CCDC74A: variants seen among roughly 807,000 people sequenced by gnomAD.
The protein encoded by CCDC74A is coiled-coil domain containing 74A.
CCDC74A carries 38 observed loss-of-function variants against 37.6 expected under a neutral mutation model. That is an observed-to-expected ratio of 1.01 (90% confidence interval 0.78 to 1.33). The LOEUF is 1.33. Ranked by LOEUF, CCDC74A falls within the 40% of genes most tolerant of loss-of-function variation. The pLI, the probability that CCDC74A is intolerant of heterozygous loss-of-function variation, is 0.00. For synonymous variants in CCDC74A, 134 were observed against 165.2 expected, an observed-to-expected ratio of 0.81 and a Z score of 1.45; for missense variants, 340 against 403.4, an observed-to-expected ratio of 0.84 and a Z score of 1.35.
At chr2:131,529,461 G>A in intron 1 of CCDC74A, 186 bp from the exon 2 acceptor site, 1 of 782,724 alleles carries the variant, frequency 1.3e-6, no homozygotes, top group Non-Finnish European at 2.2e-6. Flanking sequence ...AACAGGCAGG[G>A]CCATTCCTGG....
chr2:131,528,864 G>C (rs111303177), intron 1 of CCDC74A, among the ~76,000 whole-genome samples: 1 of 152,258 alleles, frequency 6.6e-6, no homozygotes, highest in African/African-American at 2.4e-5. Flanking sequence ...GTGCGAGTGC[G>C]CAGCTCAATG....
chr2:131,529,250 C>A, intron 1 of CCDC74A: 1 of 362,054 alleles, frequency 2.8e-6, no homozygotes, highest in Non-Finnish European at 5.3e-6. Flanking sequence ...TCTTCTTGAG[C>A]CTCAGGACGC....
rs1174409137 is a variant in CCDC74A at position 131,529,771 on chromosome 2, G to A, written c.295+80G>A. 1.2e-5 allele frequency: 19 copies of A among 1,577,154 alleles called. No individual in the cohort carries two copies. The East Asian group carries it at 4.3e-4, about 35-fold the overall frequency. Reference sequence around the variant, plus strand: ...CCCTCCAGACTGTCCTTGCCCACCTGGCTGCACTGGCCCCTGTATGCCAAC... The same window carrying A: ...CCCTCCAGACTGTCCTTGCCCACCTAGCTGCACTGGCCCCTGTATGCCAAC... On this transcript the variant is annotated intron_variant, in intron 2 of 7. Coordinates refer to ENST00000409856, the MANE Select transcript of CCDC74A (RefSeq NM_001258306.3).
upstream of CCDC74A, among the ~76,000 whole-genome samples, chr2:131,524,552 T>C (rs1680227363): frequency 2.0e-5 from 3 of 152,074 alleles, no homozygotes; most frequent in African/African-American, 7.2e-5. Flanking sequence ...TGTGCTCTGA[T>C]TGATGATGGC....
In CCDC74A at chr2:131,528,166, G is replaced by T. The variant is rs1328164063; in HGVS notation, c.196G>T (p.Glu66Ter). ...GCAGTTCCTGCAGCAGCAGCACTCG[G>T]AGATGCTGGCCAAGCTCCATGAGGA... ...SLQFLQQQHSEMLAKLHEEIE... is the reference protein window; with the variant it reads ...SLQFLQQQHS The change falls in exon 1 of 8, where the codon GAG (glutamate) becomes TAG (stop). Residue 66 changes from glutamate to a stop codon, truncating the protein, a stop_gained. Coordinates refer to ENST00000409856, the MANE Select transcript of CCDC74A (RefSeq NM_001258306.3). LOFTEE classifies it high-confidence loss of function. The T allele has an allele frequency of 3.7e-6, 6 of 1,613,914 alleles. No homozygotes were observed. In the South Asian group the frequency reaches 6.6e-5, roughly 18 times the overall value.
At chr2:131,530,366 C>T in intron 2 of CCDC74A, 3 of 1,547,618 alleles carry the variant, frequency 1.9e-6, no homozygotes, top group Non-Finnish European at 2.6e-6. Flanking sequence ...GTGCCTAGGG[C>T]TCTCCCTTCC....
In CCDC74A at chr2:131,528,192, G is replaced by C. The variant is rs756639543; in HGVS notation, c.222G>C (p.Glu74Asp). 6.2e-6 allele frequency: 10 copies of C among 1,613,620 alleles called. No individual in the cohort carries two copies. The highest frequency in any genetic ancestry group is 7.6e-6 in the Non-Finnish European group (9 of 1,179,770). The change falls in exon 1 of 8, where the codon GAG becomes GAC. Residue 74 changes from glutamate to aspartate, a missense_variant. Transcript: ENST00000409856. ...HSEMLAKLHE[E>D]IEHLKRENKD... ...AGATGCTGGCCAAGCTCCATGAGGA[G>C]ATCGAGCATCTGAAGCGGGAAAACA... is the stretch of plus-strand genomic sequence containing the variant.
intron 2 of CCDC74A, chr2:131,529,953 C>T (rs1356845989): frequency 6.6e-7 from 1 of 1,506,436 alleles, no homozygotes; most frequent in South Asian, 1.3e-5. Flanking sequence ...GCTCCCCAGA[C>T]CTCCCTCCTC....
upstream of CCDC74A, among the ~76,000 whole-genome samples, chr2:131,524,765 C>G (rs1237394519): frequency 1.3e-5 from 2 of 150,916 alleles, no homozygotes; most frequent in African/African-American, 2.4e-5. Flanking sequence ...CTAGGACATT[C>G]AAAAGCAACC....
At chr2:131,523,032 G>A (rs1200244079), upstream of CCDC74A, among the ~76,000 whole-genome samples, 1 of 152,144 alleles carries the variant, frequency 6.6e-6, no homozygotes, top group Non-Finnish European at 1.5e-5. Context: ...AGCATCCCAA[G>A]TAGCCAGGAC....
At position 131,532,646 on chromosome 2, in the gene CCDC74A, C is replaced by A. The variant is rs750845123; in HGVS notation, c.543C>A (p.His181Gln). 1.2e-6 allele frequency: 2 copies of A among 1,611,662 alleles called. No individual in the cohort carries two copies. Among genetic ancestry groups the A allele is most frequent in the Admixed American group, 1.7e-5 (1 of 59,796 alleles). Residue 181 changes from histidine to glutamine, a missense_variant, in exon 5 of 8, where the codon CAC becomes CAA. Physicochemically the swap from His to Gln is conservative, Grantham distance 24. Transcript: ENST00000409856. The part of the protein sequence containing the change: ...AGAACMGNSQ[H>Q]QGRQMGAGAH... ...CTGCCTGTATGGGGAACAGCCAGCA[C>A]CAGGGCAGGCAGATGGGGGCGGGGG...
chr2:131,527,470 C>A (rs866500085), upstream of CCDC74A, among the ~76,000 whole-genome samples: 3 of 152,160 alleles, frequency 2.0e-5, no homozygotes, highest in Middle Eastern at 3.4e-3. Flanking sequence ...GTCTCACTTT[C>A]CATTCAGGCT....
upstream of CCDC74A, chr2:131,527,655 C>T (rs1253968079): frequency 1.1e-5 from 4 of 351,278 alleles, no homozygotes; most frequent in Admixed American, 1.4e-4. Context: ...CCACTACACC[C>T]GGCTACATTT....
At position 131,533,466 on chromosome 2, in the gene CCDC74A, C is replaced by T. The variant is rs1300346156; in HGVS notation, c.*68C>T. The T allele has an allele frequency of 1.3e-6, 2 of 1,585,354 alleles. No homozygotes were observed. Among genetic ancestry groups the T allele is most frequent in the Non-Finnish European group, 1.7e-6 (2 of 1,162,602 alleles). On this transcript the variant is annotated 3_prime_UTR_variant, in exon 8 of 8. Coordinates refer to ENST00000409856, the MANE Select transcript of CCDC74A (RefSeq NM_001258306.3). Reference sequence around the variant, plus strand: ...TGGAGACTGGCTCTCTATAGCATTTCCTGATACTTCCGCTACTTTTAGGCC... The same window carrying T: ...TGGAGACTGGCTCTCTATAGCATTTTCTGATACTTCCGCTACTTTTAGGCC...
At position 131,527,894 on chromosome 2, in the gene CCDC74A, A is replaced by T. The variant is rs1305373964; in HGVS notation, c.-77A>T. 3 of 1,404,282 alleles carry T rather than the reference A, an allele frequency of 2.1e-6. No individual in the cohort carries two copies. The highest frequency in any genetic ancestry group is 2.8e-6 in the Non-Finnish European group (3 of 1,080,708). 87.0% of individuals were successfully genotyped at this position (1,404,282 alleles called of 1,614,324 possible). A position where few individuals can be genotyped will look rare whatever the true frequency, so the allele number is the denominator to read the frequency against. On this transcript the variant is annotated 5_prime_UTR_variant, in exon 1 of 8. Transcript: ENST00000409856. ...CTTCCGTCGCCCGGTTTCCATGGTG[A>T]CGGGGCGCCAGGCTAGGGCGGCCTG...
Position 131,533,343 on chromosome 2 carries a change from G to C in CCDC74A, c.884G>C (p.Arg295Thr). ...KQTPKNNFAE[R>T]QKRLQAMQKR... Reference sequence around the variant, plus strand: ...ACCCCGAAGAACAACTTTGCCGAGAGGCAGAAGAGGCTGCAGGCAATGCAG... The same window carrying C: ...ACCCCGAAGAACAACTTTGCCGAGACGCAGAAGAGGCTGCAGGCAATGCAG... Residue 295 changes from arginine to threonine, a missense_variant, in exon 8 of 8, where the codon AGG becomes ACG. Transcript: ENST00000409856. The C allele has an allele frequency of 1.9e-6, 3 of 1,613,626 alleles. No individual in the cohort carries two copies. The highest frequency in any genetic ancestry group is 2.5e-6 in the Non-Finnish European group (3 of 1,179,992).
Position 131,529,676 on chromosome 2 carries a change from A to T in CCDC74A, c.280A>T (p.Thr94Ser). The change falls in exon 2 of 8, where the codon ACA becomes TCA. Residue 94 changes from threonine to serine, a missense_variant. Thr to Ser is a moderately conservative substitution (Grantham distance 58). Around this residue, in one of 3 missense-constraint regions of CCDC74A, gnomAD observed 154 missense variants for 153.9 expected, o/e 1.00. Transcript: ENST00000409856. ...CCATTACAAGCTCATAATGAATCAG[A>T]CATCACAGAAGAAAGGTGAGAACTG... Reference protein sequence around the residue: ...DLHYKLIMNQTSQKKDSLSMS... With the variant: ...DLHYKLIMNQSSQKKDSLSMS... 6.2e-7 allele frequency: 1 copy of T among 1,614,030 alleles called. No individual in the cohort carries two copies. Among genetic ancestry groups the T allele is most frequent in the Non-Finnish European group, 8.5e-7 (1 of 1,179,872 alleles).
At chr2:131,526,017 T>C (rs568321834), upstream of CCDC74A, among the ~76,000 whole-genome samples, 2 of 152,248 alleles carry the variant, frequency 1.3e-5, no homozygotes, top group African/African-American at 4.8e-5. Context: ...GTTTTCACCA[T>C]GTTGCCCAGG....
chr2:131,533,002 C>T lies in CCDC74A; in HGVS notation c.753-11C>T, dbSNP rs1355168666. On this transcript the variant is annotated splice_polypyrimidine_tract_variant and intron_variant, in intron 6 of 7. Coordinates refer to ENST00000409856, the MANE Select transcript of CCDC74A (RefSeq NM_001258306.3). ...TATCCACAGCTCACTGCTGACTCTT[C>T]CTTCACCCAGGGACCAAGAAGCCAC... The T allele has an allele frequency of 6.2e-7, 1 of 1,613,954 alleles. No homozygotes were observed. The highest frequency in any genetic ancestry group is 8.5e-7 in the Non-Finnish European group (1 of 1,179,862).
Sources: allele counts gnomAD v4.1 joint callset (sites outside exome capture counted in the v4.1 genomes callset), GRCh38; gene constraint gnomAD v4.1.1; regional missense constraint gnomAD v4.1.1; transcripts MANE v1.5; gene names NCBI Gene and HGNC (gene_info 2026-07-23, HGNC 2026-07-21).